DYM: variants seen among roughly 807,000 people sequenced by gnomAD.
The protein encoded by DYM is dymeclin.
Under a neutral mutation model 93.1 loss-of-function variants are expected in DYM, and 78 were observed. The ratio of observed to expected loss-of-function variants is 0.84; its 90% CI spans 0.70 to 1.01. The LOEUF is 1.01. Ranked by LOEUF, DYM falls within the 50% of genes least tolerant of loss-of-function variation. DYM has a pLI of 0.00. For missense variants in DYM, 789 were observed against 845.0 expected (o/e 0.93, Z 0.82); for synonymous variants, 321 against 319.7 (o/e 1.00, Z -0.04).
chr18:49,457,772 G>A (rs968255815), intron 1 of DYM, among the ~76,000 whole-genome samples: 1 of 152,272 alleles, frequency 6.6e-6, no homozygotes, highest in South Asian at 2.1e-4. Flanking sequence ...CCTCGAGGGG[G>A]GATTTATCCT....
chr18:49,253,435 C>T (rs2094329807), intron 13 of DYM, among the ~76,000 whole-genome samples: 1 of 152,196 alleles, frequency 6.6e-6, no homozygotes, highest in Non-Finnish European at 1.5e-5. Flanking sequence ...AGCTGGCCCC[C>T]ATTTCCAGCT....
At chr18:49,355,815 TAA>T (rs1375005565) in intron 6 of DYM, among the ~76,000 whole-genome samples, 2 of 152,110 alleles carry the variant, frequency 1.3e-5, no homozygotes, top group Admixed American at 1.3e-4. Flanking sequence ...AAAATAAATA[TAA>T]AGACTTATTT....
intron 6 of DYM, among the ~76,000 whole-genome samples, chr18:49,359,081 C>T (rs1479290457): frequency 6.6e-6 from 1 of 152,148 alleles, no homozygotes; most frequent in Non-Finnish European, 1.5e-5. Flanking sequence ...AAATTCCGAG[C>T]GCTGGGCTTT....
chr18:49,357,965 A>G (rs2065710338), intron 6 of DYM, among the ~76,000 whole-genome samples: 1 of 152,170 alleles, frequency 6.6e-6, no homozygotes, highest in African/African-American at 2.4e-5. Context: ...CCTGGGCAAC[A>G]CAGCAAGACC....
At chr18:49,105,534 T>C (rs1332209634) in intron 16 of DYM, among the ~76,000 whole-genome samples, 1 of 152,256 alleles carries the variant, frequency 6.6e-6, no homozygotes. Flanking sequence ...TGCTTTCTCT[T>C]GTGGGCATTT....
chr18:49,197,523 G>A (rs2091577435), intron 14 of DYM, among the ~76,000 whole-genome samples: 1 of 151,780 alleles, frequency 6.6e-6, no homozygotes, highest in Admixed American at 6.6e-5. Context: ...CACTCCCATG[G>A]TTCTTGAAAA....
At chr18:49,324,044 A>G (rs1028489190) in intron 8 of DYM, among the ~76,000 whole-genome samples, 1 of 147,540 alleles carries the variant, frequency 6.8e-6, no homozygotes, top group African/African-American at 2.5e-5. Context: ...CTGAGGCACG[A>G]CAATCGCTTG....
At chr18:49,092,458 T>C (rs7239949) in intron 17 of DYM, among the ~76,000 whole-genome samples, 1 of 152,080 alleles carries the variant, frequency 6.6e-6, no homozygotes. Flanking sequence ...CCATTCATTT[T>C]ACACGCAGCG....
intron 6 of DYM, among the ~76,000 whole-genome samples, chr18:49,358,075 G>T (rs1343231318): frequency 2.6e-5 from 4 of 152,096 alleles, no homozygotes; most frequent in Admixed American, 2.0e-4. Flanking sequence ...GCTTGAGCCT[G>T]GGCAGTTGAG....
At chr18:49,296,382 A>G (rs531530477) in intron 8 of DYM, among the ~76,000 whole-genome samples, 3 of 152,228 alleles carry the variant, frequency 2.0e-5, no homozygotes, top group Admixed American at 6.5e-5. Flanking sequence ...CTGCCTATGT[A>G]CTTGTATACA....
In DYM at chr18:49,043,626, CAT is replaced by C. The variant is rs2071093571; in HGVS notation, c.*427_*428del. On this transcript the variant is annotated 3_prime_UTR_variant, in exon 18 of 18. Transcript: ENST00000675505. ...AAGGAATCTCTCTCTCTCACACACA[CAT>C]AAGACCAAAACAAATATCTTGAACA... The C allele has an allele frequency of 5.9e-6, 1 of 169,656 alleles. No homozygotes were observed. Among genetic ancestry groups the C allele is most frequent in the Admixed American group, 5.6e-5 (1 of 17,992 alleles). The allele number at this position is 169,656 out of a possible 1,614,324, so 10.5% of individuals were successfully genotyped here. A position where few individuals can be genotyped will look rare whatever the true frequency, so the allele number is the denominator to read the frequency against.
intron 8 of DYM, among the ~76,000 whole-genome samples, chr18:49,302,680 C>A (rs2061010510): frequency 6.6e-6 from 1 of 152,146 alleles, no homozygotes; most frequent in African/African-American, 2.4e-5. Context: ...TAATGATGAT[C>A]CACACAAATT....
chr18:49,205,992 G>GTT, intron 14 of DYM: 6 of 55,980 alleles, frequency 1.1e-4, no homozygotes, highest in Non-Finnish European at 1.4e-4. Flanking sequence ...CTAAGGTAGA[G>GTT]TTTTTTTTTT....
chr18:49,251,531 G>C (rs911617642), intron 13 of DYM, among the ~76,000 whole-genome samples: 1 of 152,196 alleles, frequency 6.6e-6, no homozygotes, highest in African/African-American at 2.4e-5. Context: ...TAAACATAAT[G>C]AAAGTCTGAA....
At chr18:49,376,599 T>A (rs2067528543) in intron 5 of DYM, among the ~76,000 whole-genome samples, 1 of 152,230 alleles carries the variant, frequency 6.6e-6, no homozygotes, top group African/African-American at 2.4e-5. Context: ...ACAGCATTGC[T>A]ATGAGGCAGT....
chr18:49,217,271 C>T (rs1053986503), intron 13 of DYM, among the ~76,000 whole-genome samples: 4 of 152,132 alleles, frequency 2.6e-5, no homozygotes, highest in Non-Finnish European at 5.9e-5. Flanking sequence ...ACCAAATCTA[C>T]GTCTGATTGG....
At chr18:49,220,052 A>G (rs2144007761) in intron 13 of DYM, among the ~76,000 whole-genome samples, 1 of 152,290 alleles carries the variant, frequency 6.6e-6, no homozygotes, top group East Asian at 1.9e-4. Context: ...CAACTTCAGC[A>G]AAGTCCCAGG....
chr18:49,213,127 TACA>T (rs1465225811), intron 13 of DYM, among the ~76,000 whole-genome samples: 3 of 152,132 alleles, frequency 2.0e-5, no homozygotes, highest in Non-Finnish European at 4.4e-5. Flanking sequence ...TAAAATAAAG[TACA>T]ACAATATTCT....
intron 13 of DYM, among the ~76,000 whole-genome samples, chr18:49,236,602 T>A (rs1049885345): frequency 6.6e-6 from 1 of 152,062 alleles, no homozygotes; most frequent in Non-Finnish European, 1.5e-5. Context: ...AAAGAAGAAA[T>A]TGCTTTATAA....
Sources: allele counts gnomAD v4.1 joint callset (sites outside exome capture counted in the v4.1 genomes callset), GRCh38; gene constraint gnomAD v4.1.1; transcripts MANE v1.5; gene names NCBI Gene and HGNC (gene_info 2026-07-23, HGNC 2026-07-21).